CADM1: variants seen among roughly 807,000 people sequenced by gnomAD.
The protein encoded by CADM1 is cell adhesion molecule 1, also known as TSLC-1.
CADM1 carries 15 observed loss-of-function variants against 53.1 expected under a neutral mutation model. The ratio of observed to expected loss-of-function variants is 0.28; its 90% CI spans 0.19 to 0.44. The LOEUF is 0.44. Among genes scored for constraint, CADM1 ranks in the 20% least tolerant of loss-of-function variants. CADM1 has a pLI of 1.00. For missense variants in CADM1, 434 were observed against 611.3 expected, an observed-to-expected ratio of 0.71 and a Z score of 3.06; for synonymous variants, 281 against 243.0, an observed-to-expected ratio of 1.16 and a Z score of -1.45.
chr11:115,204,187 A>T (rs1940570277), intron 8 of CADM1, among the ~76,000 whole-genome samples: 1 of 152,218 alleles, frequency 6.6e-6, no homozygotes, highest in African/African-American at 2.4e-5. Context: ...TGCAAAATAA[A>T]CACACATTGA....
At chr11:115,274,662 A>T (rs1943394976) in intron 1 of CADM1, among the ~76,000 whole-genome samples, 1 of 152,236 alleles carries the variant, frequency 6.6e-6, no homozygotes, top group Admixed American at 6.5e-5. Context: ...TGTAGTAAAG[A>T]AGGTAGAACC....
chr11:115,411,017 CCTAA>C (rs146651576), intron 1 of CADM1, among the ~76,000 whole-genome samples: 1,833 of 152,254 alleles, frequency 0.012, 41 homozygotes, highest in African/African-American at 0.041. Flanking sequence ...AGCATAAAAT[CCTAA>C]CTGTGTCTTT....
At chr11:115,294,194 C>T (rs184463727) in intron 1 of CADM1, among the ~76,000 whole-genome samples, 170 of 152,220 alleles carry the variant, frequency 1.1e-3, no homozygotes, top group Admixed American at 3.1e-3. Flanking sequence ...CCCTACCACA[C>T]CCCTCTAGAC....
In CADM1 at chr11:115,172,724, G is replaced by GTT. The variant is rs1938833999; in HGVS notation, c.*3749_*3750insAA. On this transcript the variant is annotated 3_prime_UTR_variant, in exon 12 of 12. Transcript: ENST00000331581. Reference sequence around the variant, plus strand: ...GCAGGTGCTCAATAACTGCATATCTGATTTTTTTTTTTTTTTTTTTTTTTT... The same window carrying GTT: ...GCAGGTGCTCAATAACTGCATATCTGTTATTTTTTTTTTTTTTTTTTTTTTTT... The GTT allele has an allele frequency of 2.0e-5, 2 of 98,264 alleles. No homozygotes were observed. The highest frequency in any genetic ancestry group is 3.9e-5 in the Non-Finnish European group (2 of 51,608). The allele number at this position is 98,264 out of a possible 1,614,324, so 6.1% of individuals were successfully genotyped here. A position where few individuals can be genotyped will look rare whatever the true frequency, so the allele number is the denominator to read the frequency against.
chr11:115,169,757 C>T lies in CADM1; in HGVS notation c.*6717G>A. ...TTTAATCAGGTCTGCTGTGTCTGGG[C>T]AAACAGCTTTTGTGGATTAGCTAGA... On this transcript the variant is annotated 3_prime_UTR_variant, in exon 12 of 12. Coordinates refer to ENST00000331581, the MANE Select transcript of CADM1 (RefSeq NM_001301043.2). The T allele has an allele frequency of 2.9e-6, 1 of 346,130 alleles. No individual in the cohort carries two copies. Among genetic ancestry groups the T allele is most frequent in the South Asian group, 2.3e-5 (1 of 43,728 alleles). The allele number at this position is 346,130 out of a possible 1,614,324, so 21.4% of individuals were successfully genotyped here. A position where few individuals can be genotyped will look rare whatever the true frequency, so the allele number is the denominator to read the frequency against.
At chr11:115,210,405 C>T (rs1940903949) in intron 7 of CADM1, among the ~76,000 whole-genome samples, 1 of 152,128 alleles carries the variant, frequency 6.6e-6, no homozygotes, top group Non-Finnish European at 1.5e-5. Context: ...ATAAATGAGA[C>T]TCGACCTTCA....
intron 1 of CADM1, among the ~76,000 whole-genome samples, chr11:115,446,955 A>G (rs759213046): frequency 6.6e-6 from 1 of 152,172 alleles, no homozygotes; most frequent in Non-Finnish European, 1.5e-5. Flanking sequence ...CTGAACTGTA[A>G]CTGATAATAA....
chr11:115,316,110 G>T (rs549954835), intron 1 of CADM1, among the ~76,000 whole-genome samples: 1 of 152,292 alleles, frequency 6.6e-6, no homozygotes, highest in East Asian at 1.9e-4. Context: ...ATTTTCCAAA[G>T]GATTTTGTCA....
intron 6 of CADM1, among the ~76,000 whole-genome samples, chr11:115,215,212 T>C (rs1941128702): frequency 1.3e-5 from 2 of 152,220 alleles, no homozygotes; most frequent in South Asian, 4.1e-4. Context: ...TTTAGAAGCC[T>C]CTTGTGATAT....
chr11:115,294,955 C>T (rs988768551), intron 1 of CADM1, among the ~76,000 whole-genome samples: 16 of 152,162 alleles, frequency 1.1e-4, no homozygotes, highest in Admixed American at 7.9e-4. Flanking sequence ...AGGAGAATTG[C>T]TTGAACCTGG....
intron 1 of CADM1, among the ~76,000 whole-genome samples, chr11:115,246,796 A>T (rs1398186541): frequency 6.6e-6 from 1 of 152,194 alleles, no homozygotes; most frequent in African/African-American, 2.4e-5. Context: ...GATGGTCAGG[A>T]TCTCAAAAGA....
Position 115,229,165 on chromosome 11 carries a change from C to T in CADM1, c.669G>A (p.Glu223=). The change falls in exon 5 of 12, where the codon GAG becomes GAA. Residue 223 remains glutamate, a synonymous_variant. Coordinates refer to ENST00000331581, the MANE Select transcript of CADM1 (RefSeq NM_001301043.2). ...GCAGGTTTCCAGTGACCGCAGGGTG[C>T]TCCACCTGGCAGATCACTGGGACCC... ...DDGVPVICQV[E]HPAVTGNLQT... The T allele has an allele frequency of 6.2e-7, 1 of 1,614,088 alleles. No individual in the cohort carries two copies.
chr11:115,306,205 C>A (rs1944368864), intron 1 of CADM1, among the ~76,000 whole-genome samples: 1 of 151,512 alleles, frequency 6.6e-6, no homozygotes, highest in African/African-American at 2.4e-5. Flanking sequence ...TGTACCTTTT[C>A]TATGTTTAGA....
chr11:115,202,521 G>A (rs1253054969), intron 8 of CADM1, among the ~76,000 whole-genome samples: 1 of 151,970 alleles, frequency 6.6e-6, no homozygotes, highest in African/African-American at 2.4e-5. Context: ...TGAGTAAGGT[G>A]TACATTAAAA....
At chr11:115,308,549 A>C (rs1184826101) in intron 1 of CADM1, among the ~76,000 whole-genome samples, 1 of 152,072 alleles carries the variant, frequency 6.6e-6, no homozygotes, top group Non-Finnish European at 1.5e-5. Context: ...GCACGTCTGC[A>C]AAACAGTAGT....
chr11:115,267,776 C>T (rs1040290640), intron 1 of CADM1, among the ~76,000 whole-genome samples: 3 of 142,664 alleles, frequency 2.1e-5, no homozygotes, highest in African/African-American at 5.2e-5. Context: ...AAAAATATGA[C>T]GAATATAAGG....
chr11:115,350,297 T>C (rs967296979), intron 1 of CADM1, among the ~76,000 whole-genome samples: 4 of 152,204 alleles, frequency 2.6e-5, no homozygotes, highest in East Asian at 1.9e-4. Context: ...ACATTAAAGA[T>C]GTATAGCCTA....
At chr11:115,437,026 G>T (rs540743728) in intron 1 of CADM1, among the ~76,000 whole-genome samples, 1 of 152,180 alleles carries the variant, frequency 6.6e-6, no homozygotes, top group Non-Finnish European at 1.5e-5. Context: ...AATTCTTTTT[G>T]TAAGTGAGTA....
At chr11:115,348,616 T>C (rs527428302) in intron 1 of CADM1, among the ~76,000 whole-genome samples, 1 of 152,140 alleles carries the variant, frequency 6.6e-6, no homozygotes, top group Non-Finnish European at 1.5e-5. Context: ...GGCAAGAGAC[T>C]GTGTAGAGGA....
Sources: allele counts gnomAD v4.1 joint callset (sites outside exome capture counted in the v4.1 genomes callset), GRCh38; gene constraint gnomAD v4.1.1; transcripts MANE v1.5; gene names NCBI Gene and HGNC (gene_info 2026-07-23, HGNC 2026-07-21).